The following NAA35 variants were observed in gnomAD, a reference collection of about 807,000 sequenced individuals.
NAA35 encodes N-alpha-acetyltransferase 35, NatC auxiliary subunit.
A neutral mutation model predicts 101.7 loss-of-function variants in NAA35; 18 were observed. That is an observed-to-expected ratio of 0.18 (90% CI 0.12 to 0.26). NAA35 has a LOEUF of 0.26. Ranked by LOEUF, NAA35 falls within the 10% of genes least tolerant of loss-of-function variation. The pLI, the probability that NAA35 is intolerant of heterozygous loss-of-function variation, is 1.00. For synonymous variants in NAA35, 267 were observed against 273.1 expected, an observed-to-expected ratio of 0.98 and a Z score of 0.22; for missense variants, 601 against 886.8, an observed-to-expected ratio of 0.68 and a Z score of 4.09.
chr9:85,989,519 CTG>C (rs962391945), intron 11 of NAA35, among the ~76,000 whole-genome samples: 2 of 151,970 alleles, frequency 1.3e-5, no homozygotes, highest in Non-Finnish European at 2.9e-5. Context: ...AACAAAAAAA[CTG>C]TGACCTAAGA....
rs1339083479 is a variant in NAA35, at chr9:86,023,345, C to G, written c.*1385C>G. Reference sequence around the variant, plus strand: ...GTAGTTACTTTGTTGAGAATGAAAACTGTTTCTGGCTGGTAATTACTGAAT... The same window carrying G: ...GTAGTTACTTTGTTGAGAATGAAAAGTGTTTCTGGCTGGTAATTACTGAAT... On this transcript the variant is annotated 3_prime_UTR_variant, in exon 23 of 23. Coordinates refer to ENST00000361671, the MANE Select transcript of NAA35 (RefSeq NM_024635.4). Among the ~76,000 whole-genome samples, 1 of 152,086 alleles carries G rather than the reference C, an allele frequency of 6.6e-6. No individual in the cohort carries two copies. The highest frequency in any genetic ancestry group is 1.5e-5 in the Non-Finnish European group (1 of 68,016).
chr9:85,993,977 T>A (rs1831050891), intron 11 of NAA35, among the ~76,000 whole-genome samples: 1 of 139,608 alleles, frequency 7.2e-6, no homozygotes, highest in Admixed American at 7.0e-5. Flanking sequence ...CCCGGCTAAT[T>A]TTTTTTTTTT....
At chr9:85,985,076 G>C (rs1587617938) in intron 11 of NAA35, among the ~76,000 whole-genome samples, 1 of 152,250 alleles carries the variant, frequency 6.6e-6, no homozygotes, top group African/African-American at 2.4e-5. Flanking sequence ...TTAGTCTTCA[G>C]GGAAATGCAA....
At position 85,975,094 on chromosome 9, in the gene NAA35, C is replaced by T. The variant is rs1335699435; in HGVS notation, c.584-20C>T. 6.2e-7 allele frequency: 1 copy of T among 1,612,688 alleles called. No individual in the cohort carries two copies. The highest frequency in any genetic ancestry group is 8.5e-7 in the Non-Finnish European group (1 of 1,179,402). On this transcript the variant is annotated intron_variant, in intron 7 of 22. Transcript: ENST00000361671. ...CATTTTCATATGTTTCCTTTTAAAACTTATTGTTTCTTTTTCTAGGCATGC... is the reference window on the plus strand; with the variant it reads ...CATTTTCATATGTTTCCTTTTAAAATTTATTGTTTCTTTTTCTAGGCATGC...
chr9:85,996,350 A>G, intron 11 of NAA35, 49 bp from the exon 12 acceptor site: 1 of 1,316,274 alleles, frequency 7.6e-7, no homozygotes, highest in African/African-American at 1.5e-5. Context: ...TTGCAGTTTA[A>G]AATTCAGAGA....
chr9:86,006,855 A>G (rs1203118664), intron 13 of NAA35, among the ~76,000 whole-genome samples: 1 of 152,236 alleles, frequency 6.6e-6, no homozygotes, highest in Non-Finnish European at 1.5e-5. Context: ...TATATTAAAT[A>G]CTAAAATACA....
intron 21 of NAA35, among the ~76,000 whole-genome samples, chr9:86,019,795 A>G (rs1346584087): frequency 6.6e-6 from 1 of 152,212 alleles, no homozygotes; most frequent in East Asian, 1.9e-4. Context: ...AGAGTCAGCA[A>G]TTCTGCTTTT....
Position 86,022,215 on chromosome 9 carries a change from G to T in NAA35, c.*255G>T, listed in dbSNP as rs1832594723. 2 of 302,196 alleles carry T rather than the reference G, an allele frequency of 6.6e-6. No homozygotes were observed. Among genetic ancestry groups the T allele is most frequent in the African/African-American group, 2.2e-5 (1 of 45,564 alleles). 18.7% of individuals were successfully genotyped at this position (302,196 alleles called of 1,614,324 possible). ...ATGAACGTTATATGGTTTTATTACA[G>T]ATTTAATCACAAATCATTTTTTATG... On this transcript the variant is annotated 3_prime_UTR_variant, in exon 23 of 23. Coordinates refer to ENST00000361671, the MANE Select transcript of NAA35 (RefSeq NM_024635.4).
At chr9:85,961,664 A>G (rs552471302) in intron 5 of NAA35, among the ~76,000 whole-genome samples, 3 of 152,308 alleles carry the variant, frequency 2.0e-5, no homozygotes, top group Non-Finnish European at 4.4e-5. Flanking sequence ...ATAAAGTTCA[A>G]TGAGTGTCTA....
intron 6 of NAA35, among the ~76,000 whole-genome samples, chr9:85,966,046 A>G (rs1358740384): frequency 6.6e-6 from 1 of 152,130 alleles, no homozygotes; most frequent in East Asian, 1.9e-4. Context: ...CTCCAGCGAT[A>G]CTTTGTCTCA....
At chr9:86,012,834 C>T (rs1378305535) in intron 15 of NAA35, among the ~76,000 whole-genome samples, 1 of 152,166 alleles carries the variant, frequency 6.6e-6, no homozygotes, top group Non-Finnish European at 1.5e-5. Flanking sequence ...AAGCAAGTTT[C>T]ACATGAAGCT....
intron 15 of NAA35, among the ~76,000 whole-genome samples, chr9:86,012,200 A>G (rs375169415): frequency 6.6e-6 from 1 of 150,964 alleles, no homozygotes; most frequent in African/African-American, 2.4e-5. Flanking sequence ...GCTTACTGCA[A>G]CCTCCGCCTC....
At chr9:86,014,254 G>T in intron 17 of NAA35, 2 of 372,416 alleles carry the variant, frequency 5.4e-6, no homozygotes, top group Non-Finnish European at 7.4e-6. Context: ...TTGGAATGAG[G>T]TCTGTCTTCT....
chr9:85,961,841 C>G (rs1265642120), intron 5 of NAA35, among the ~76,000 whole-genome samples, 172 bp from the exon 6 acceptor site: 4 of 151,998 alleles, frequency 2.6e-5, no homozygotes, highest in Non-Finnish European at 4.4e-5. Context: ...TTCCCATAGA[C>G]ACTTGAAAAA....
intron 11 of NAA35, among the ~76,000 whole-genome samples, chr9:85,983,193 A>G (rs1830503495): frequency 6.6e-6 from 1 of 152,106 alleles, no homozygotes; most frequent in African/African-American, 2.4e-5. Flanking sequence ...ACACATTATG[A>G]GAGAGTTAAG....
At chr9:85,941,725 G>A in intron 1 of NAA35, 3 of 987,262 alleles carry the variant, frequency 3.0e-6, no homozygotes, top group Non-Finnish European at 3.6e-6. Context: ...GTCCCAGCGA[G>A]CTCTGGCCAG....
chr9:85,985,598 A>T (rs1042968908), intron 11 of NAA35, among the ~76,000 whole-genome samples: 2 of 152,202 alleles, frequency 1.3e-5, no homozygotes, highest in African/African-American at 2.4e-5. Flanking sequence ...AATCATGGGC[A>T]GGTAAGAGTG....
intron 6 of NAA35, among the ~76,000 whole-genome samples, chr9:85,973,437 A>C (rs1434736386): frequency 6.6e-6 from 1 of 152,204 alleles, no homozygotes; most frequent in Non-Finnish European, 1.5e-5. Context: ...AAGAGTGAGC[A>C]ATAGTGGTGA....
chr9:86,020,778 C>A, intron 21 of NAA35, 111 bp from the exon 22 acceptor site: 1 of 681,864 alleles, frequency 1.5e-6, no homozygotes, highest in Non-Finnish European at 2.4e-6. Context: ...TTCAGTGAGC[C>A]GTGTTCTTAC....
Sources: allele counts gnomAD v4.1 joint callset (sites outside exome capture counted in the v4.1 genomes callset), GRCh38; gene constraint gnomAD v4.1.1; transcripts MANE v1.5; gene names NCBI Gene and HGNC (gene_info 2026-07-23, HGNC 2026-07-21).